The following AFG2A variants were observed in gnomAD, a reference collection of about 807,000 sequenced individuals.
AFG2A encodes the protein AAA ATPase AFG2A.
At chr4:123,003,009 T>G in the AFG2A span, among the ~76,000 whole-genome samples, 1 of 152,178 alleles carries the variant, frequency 6.6e-6, no homozygotes, top group Non-Finnish European at 1.5e-5. Context: ...CATTTCTTTT[T>G]ATTCTTTTTT....
At chr4:123,255,781 A>C in the AFG2A span, among the ~76,000 whole-genome samples, 1 of 142,784 alleles carries the variant, frequency 7.0e-6, no homozygotes, top group African/African-American at 2.5e-5. Flanking sequence ...CAGCATCCCA[A>C]AGTGCTGGGA....
At chr4:122,957,105 C>T in the AFG2A span, among the ~76,000 whole-genome samples, 1 of 147,552 alleles carries the variant, frequency 6.8e-6, no homozygotes, top group Admixed American at 6.7e-5. Flanking sequence ...TAAGGGAGAA[C>T]AAGAAAAAAA....
At chr4:122,935,470 C>T in the AFG2A span, among the ~76,000 whole-genome samples, 2 of 150,034 alleles carry the variant, frequency 1.3e-5, no homozygotes, top group African/African-American at 4.9e-5. Context: ...TGTGGGTGTC[C>T]AGTTTTTTTT....
the AFG2A span, among the ~76,000 whole-genome samples, chr4:123,200,895 A>T: frequency 2.0e-5 from 3 of 152,192 alleles, no homozygotes; most frequent in African/African-American, 7.2e-5. Flanking sequence ...TTTGAATCAT[A>T]TTTTTTTGTG....
At chr4:123,124,330 C>A in the AFG2A span, among the ~76,000 whole-genome samples, 1 of 152,080 alleles carries the variant, frequency 6.6e-6, no homozygotes, top group Non-Finnish European at 1.5e-5. Context: ...GAGTTCATGT[C>A]CTTTGTAGGG....
chr4:122,936,059 A>G, the AFG2A span: 1 of 1,516,966 alleles, frequency 6.6e-7, no homozygotes. Context: ...AGCTTTAAAA[A>G]CAATAAGAAA....
At chr4:123,228,353 G>C in the AFG2A span, among the ~76,000 whole-genome samples, 2 of 151,902 alleles carry the variant, frequency 1.3e-5, no homozygotes, top group Non-Finnish European at 2.9e-5. Flanking sequence ...TGCAGTGGCT[G>C]GTACCGGTTG....
At chr4:123,271,208 T>C in the AFG2A span, among the ~76,000 whole-genome samples, 1 of 152,240 alleles carries the variant, frequency 6.6e-6, no homozygotes, top group Non-Finnish European at 1.5e-5. Flanking sequence ...AACTTGGTTA[T>C]GTACAATATC....
At chr4:123,260,560 A>G in the AFG2A span, among the ~76,000 whole-genome samples, 3 of 152,202 alleles carry the variant, frequency 2.0e-5, no homozygotes, top group Admixed American at 1.3e-4. Context: ...TTTCTCCCAC[A>G]CAGTGAAAAC....
At chr4:122,999,758 T>C in the AFG2A span, among the ~76,000 whole-genome samples, 513 of 152,318 alleles carry the variant, frequency 3.4e-3, 3 homozygotes, top group Middle Eastern at 0.014. Flanking sequence ...TCCAGCTTTG[T>C]TCTTTTGGCT....
At chr4:123,228,165 C>T in the AFG2A span, among the ~76,000 whole-genome samples, 1 of 152,092 alleles carries the variant, frequency 6.6e-6, no homozygotes, top group Non-Finnish European at 1.5e-5. Context: ...GGTCTTGACT[C>T]TTTATCCAGT....
At chr4:122,947,723 TG>T in the AFG2A span, among the ~76,000 whole-genome samples, 1 of 152,060 alleles carries the variant, frequency 6.6e-6, no homozygotes, top group Non-Finnish European at 1.5e-5. Flanking sequence ...ACCATTATAG[TG>T]TATACAGTCA....
At chr4:123,280,311 A>G in the AFG2A span, among the ~76,000 whole-genome samples, 17 of 152,222 alleles carry the variant, frequency 1.1e-4, no homozygotes, top group Non-Finnish European at 2.2e-4. Context: ...TTATTCTACC[A>G]CTACTTTTTT....
At chr4:123,119,345 C>G in the AFG2A span, among the ~76,000 whole-genome samples, 2 of 152,110 alleles carry the variant, frequency 1.3e-5, no homozygotes, top group African/African-American at 4.8e-5. Flanking sequence ...TCAACTGATT[C>G]TAATTATGCA....
the AFG2A span, among the ~76,000 whole-genome samples, chr4:122,996,569 G>A: frequency 9.4e-6 from 1 of 106,308 alleles, no homozygotes; most frequent in South Asian, 3.3e-4. Flanking sequence ...AGGTAGGTAG[G>A]CAGATAGATA....
the AFG2A span, among the ~76,000 whole-genome samples, chr4:122,959,763 A>G: frequency 2.6e-5 from 4 of 152,204 alleles, no homozygotes; most frequent in Admixed American, 6.5e-5. Flanking sequence ...AAGGTTTACA[A>G]TCCATACTTT....
the AFG2A span, among the ~76,000 whole-genome samples, chr4:123,093,254 G>C: frequency 1.2e-4 from 19 of 152,192 alleles, no homozygotes; most frequent in Non-Finnish European, 7.4e-5. Context: ...AGTGCACCCA[G>C]AGTTGGCAAG....
chr4:122,991,019 C>T, the AFG2A span, among the ~76,000 whole-genome samples: 23 of 152,254 alleles, frequency 1.5e-4, no homozygotes, highest in Non-Finnish European at 3.1e-4. Context: ...TTTTAATATG[C>T]AAATATTTAT....
the AFG2A span, among the ~76,000 whole-genome samples, chr4:123,263,650 C>A: frequency 6.6e-6 from 1 of 152,150 alleles, no homozygotes; most frequent in Admixed American, 6.5e-5. Flanking sequence ...CAAATCAAAA[C>A]CACAGTGCAA....
Sources: gnomAD v4.1 joint callset for allele counts (sites outside exome capture counted in the v4.1 genomes callset) on GRCh38, gnomAD v4.1.1 for gene constraint, MANE v1.5 for transcripts, NCBI Gene and HGNC (gene_info 2026-07-23, HGNC 2026-07-21) for gene names.